Variants in COMMD10 observed in about 807,000 individuals in gnomAD.
COMMD10 encodes COMM domain-containing protein 10.
A neutral mutation model predicts 28.9 loss-of-function variants in COMMD10; 33 were observed. That is an observed-to-expected ratio of 1.14 (90% CI 0.87 to 1.53). The LOEUF is 1.53. COMMD10 is among the 40% of genes most tolerant of loss of function. COMMD10 has a pLI of 0.00. For synonymous variants in COMMD10, 110 were observed against 81.7 expected, an observed-to-expected ratio of 1.35 and a Z score of -1.87; for missense variants, 310 against 233.4, an observed-to-expected ratio of 1.33 and a Z score of -2.14.
chr5:116,283,163 A>C (rs1561407977), intron 5 of COMMD10, among the ~76,000 whole-genome samples: 3 of 151,942 alleles, frequency 2.0e-5, no homozygotes, highest in African/African-American at 4.9e-5. Flanking sequence ...CAGATGACTC[A>C]GTAAAAATCC....
At chr5:116,145,172 G>A (rs147499169) in intron 5 of COMMD10, among the ~76,000 whole-genome samples, 391 of 151,944 alleles carry the variant, frequency 2.6e-3, no homozygotes, top group Non-Finnish European at 4.4e-3. Context: ...TGAGAACAGA[G>A]GACAAAGTGT....
chr5:116,110,610 C>G (rs182698698), intron 4 of COMMD10, among the ~76,000 whole-genome samples: 1 of 152,190 alleles, frequency 6.6e-6, no homozygotes, highest in East Asian at 1.9e-4. Context: ...TTAGTCTGTT[C>G]TTACATTGCT....
Position 116,091,155 on chromosome 5 carries a change from T to A in COMMD10, c.209T>A (p.Leu70Gln). 1 of 1,607,330 alleles carries A rather than the reference T, an allele frequency of 6.2e-7. No individual in the cohort carries two copies. Among genetic ancestry groups the A allele is most frequent in the Non-Finnish European group, 8.5e-7 (1 of 1,175,724 alleles). Residue 70 changes from leucine (L) to glutamine (Q), a missense_variant, in exon 3 of 7, where the codon CTA becomes CAA. Coordinates refer to ENST00000274458, the MANE Select transcript of COMMD10 (RefSeq NM_016144.4). ...AFSLEKQDLH[L>Q]VLETISFILE... ...TCTCTAGAGAAACAAGATCTTCACC[T>A]AGTTCTTGAAACAATATCATTTATT...
At chr5:116,095,780 A>T (rs535453476) in intron 4 of COMMD10, among the ~76,000 whole-genome samples, 3 of 152,106 alleles carry the variant, frequency 2.0e-5, no homozygotes, top group Non-Finnish European at 4.4e-5. Flanking sequence ...AAATCCATTT[A>T]CTGTTAATTT....
intron 5 of COMMD10, among the ~76,000 whole-genome samples, chr5:116,272,915 G>A (rs1347966327): frequency 6.6e-6 from 1 of 151,768 alleles, no homozygotes; most frequent in Non-Finnish European, 1.5e-5. Context: ...AAATGGATGT[G>A]GATGGTCTGT....
chr5:116,207,976 G>A (rs528283742), intron 5 of COMMD10, among the ~76,000 whole-genome samples: 1 of 152,280 alleles, frequency 6.6e-6, no homozygotes, highest in South Asian at 2.1e-4. Flanking sequence ...TGGAGTTGCG[G>A]TTTAGTAGAG....
intron 5 of COMMD10, among the ~76,000 whole-genome samples, chr5:116,243,475 C>A (rs1561388627): frequency 2.0e-5 from 3 of 152,136 alleles, no homozygotes; most frequent in African/African-American, 7.2e-5. Flanking sequence ...ATAAAACATA[C>A]AAATTCCTAT....
intron 5 of COMMD10, among the ~76,000 whole-genome samples, chr5:116,259,966 T>C (rs866731638): frequency 6.6e-6 from 1 of 151,838 alleles, no homozygotes; most frequent in Non-Finnish European, 1.5e-5. Context: ...TTTAAACTAA[T>C]CACATCTCCT....
intron 1 of COMMD10, among the ~76,000 whole-genome samples, chr5:116,087,008 A>G (rs10075195): frequency 0.52 from 78,383 of 152,072 alleles, 22,491 homozygotes; most frequent in Non-Finnish European, 0.66. Context: ...AATAAATTTG[A>G]TTTTACAGTT....
At chr5:116,103,139 T>C (rs1218546084) in intron 4 of COMMD10, among the ~76,000 whole-genome samples, 1 of 152,220 alleles carries the variant, frequency 6.6e-6, no homozygotes, top group Non-Finnish European at 1.5e-5. Context: ...TACATGTGCA[T>C]GTGTCTTTAT....
chr5:116,280,724 T>C (rs1373905873), intron 5 of COMMD10, among the ~76,000 whole-genome samples: 1 of 151,896 alleles, frequency 6.6e-6, no homozygotes, highest in Admixed American at 6.6e-5. Flanking sequence ...ATTATATCTC[T>C]AGGTTTTTGA....
At chr5:116,175,221 G>GT (rs1254692925) in intron 5 of COMMD10, among the ~76,000 whole-genome samples, 1 of 151,564 alleles carries the variant, frequency 6.6e-6, no homozygotes, top group African/African-American at 2.4e-5. Flanking sequence ...TTTTGTGTCT[G>GT]TATCACCTCA....
chr5:116,203,769 C>A (rs1748737799), intron 5 of COMMD10, among the ~76,000 whole-genome samples: 1 of 151,966 alleles, frequency 6.6e-6, no homozygotes, highest in East Asian at 1.9e-4. Flanking sequence ...ACAACTGGTA[C>A]CAGCCACAGC....
intron 5 of COMMD10, among the ~76,000 whole-genome samples, chr5:116,209,930 T>C (rs1169584183): frequency 6.6e-6 from 1 of 152,152 alleles, no homozygotes; most frequent in East Asian, 1.9e-4. Context: ...TTGTAAAGAA[T>C]AGAGATTTAT....
chr5:116,172,550 T>C (rs900778705), intron 5 of COMMD10, among the ~76,000 whole-genome samples: 2 of 152,118 alleles, frequency 1.3e-5, no homozygotes, highest in African/African-American at 4.8e-5. Flanking sequence ...AGGTCGGAAA[T>C]ATTTAAGTGT....
At chr5:116,172,795 C>A (rs542729641) in intron 5 of COMMD10, among the ~76,000 whole-genome samples, 1 of 152,214 alleles carries the variant, frequency 6.6e-6, no homozygotes, top group African/African-American at 2.4e-5. Context: ...CTTTCCTCAT[C>A]TGAGATAGTA....
intron 5 of COMMD10, among the ~76,000 whole-genome samples, chr5:116,254,604 G>A (rs1473328339): frequency 6.6e-6 from 1 of 151,548 alleles, no homozygotes; most frequent in Admixed American, 6.6e-5. Context: ...GTAGTTGAGT[G>A]GTTTTGAGTG....
intron 4 of COMMD10, among the ~76,000 whole-genome samples, chr5:116,118,913 T>A (rs529247149): frequency 1.4e-4 from 22 of 152,344 alleles, no homozygotes; most frequent in African/African-American, 5.0e-4. Flanking sequence ...GAATGAAGAT[T>A]TCGTTAATGC....
chr5:116,270,975 A>G (rs1219882772), intron 5 of COMMD10, among the ~76,000 whole-genome samples: 1 of 151,654 alleles, frequency 6.6e-6, no homozygotes, highest in African/African-American at 2.4e-5. Flanking sequence ...AATAAATAAA[A>G]TCACACCATT....
Sources: gnomAD v4.1 joint callset for allele counts (sites outside exome capture counted in the v4.1 genomes callset) on GRCh38, gnomAD v4.1.1 for gene constraint, MANE v1.5 for transcripts, NCBI Gene and HGNC (gene_info 2026-07-23, HGNC 2026-07-21) for gene names.